Variants in SMYD3 observed in about 807,000 individuals in gnomAD.
The protein encoded by SMYD3 is histone-lysine N-methyltransferase SMYD3.
SMYD3 carries 36 observed loss-of-function variants against 57.7 expected under a neutral mutation model. That is an observed-to-expected ratio of 0.62 (90% CI 0.48 to 0.82). SMYD3 has a LOEUF of 0.82. SMYD3 is among the 40% of genes least tolerant of loss of function. The pLI is 0.00. For missense variants in SMYD3, 515 were observed against 538.8 expected, an observed-to-expected ratio of 0.96 and a Z score of 0.44; for synonymous variants, 211 against 195.0, an observed-to-expected ratio of 1.08 and a Z score of -0.68.
chr1:246,077,453 A>G (rs10802329), intron 5 of SMYD3, among the ~76,000 whole-genome samples: 56,281 of 151,870 alleles, frequency 0.37, 13,192 homozygotes, highest in African/African-American at 0.66. Flanking sequence ...TGTCTAAGCC[A>G]AGATGGCAAG....
chr1:246,330,394 A>G, intron 4 of SMYD3, 86 bp downstream of exon 4: 1 of 1,101,972 alleles, frequency 9.1e-7, no homozygotes, highest in South Asian at 1.8e-5. Context: ...AAGAAACAGA[A>G]AAACATAGTT....
intron 5 of SMYD3, among the ~76,000 whole-genome samples, chr1:246,155,448 T>G (rs1367263736): frequency 6.6e-6 from 1 of 152,140 alleles, no homozygotes; most frequent in East Asian, 1.9e-4. Flanking sequence ...AAGAAAAATA[T>G]AAAATTTCAA....
In SMYD3 at chr1:245,849,298, G is replaced by A. The variant is rs149144740; in HGVS notation, c.1076+9198C>T. Among the ~76,000 whole-genome samples, 693 of 152,302 alleles carry A rather than the reference G, an allele frequency of 4.6e-3. 4 individuals carry two copies. Among genetic ancestry groups the A allele is most frequent in the Middle Eastern group, 0.031 (9 of 294 alleles). On this transcript the variant is annotated intron_variant, in intron 10 of 11. Coordinates refer to ENST00000490107, the MANE Select transcript of SMYD3 (RefSeq NM_001167740.2). Reference sequence around the variant, plus strand: ...ACTGGGAGCTTGAGTGTTAAAAGAGGGGATTGGATTATCAGAAAGAGCAGG... The same window carrying A: ...ACTGGGAGCTTGAGTGTTAAAAGAGAGGATTGGATTATCAGAAAGAGCAGG...
intron 5 of SMYD3, among the ~76,000 whole-genome samples, chr1:246,081,848 C>T (rs998716706): frequency 6.6e-6 from 1 of 152,110 alleles, no homozygotes; most frequent in Non-Finnish European, 1.5e-5. Context: ...TGCTTGAGGC[C>T]TGGATTAACA....
chr1:245,936,136 A>G (rs2056968826), intron 5 of SMYD3, among the ~76,000 whole-genome samples: 1 of 152,214 alleles, frequency 6.6e-6, no homozygotes, highest in Admixed American at 6.5e-5. Flanking sequence ...TGTACTCTAA[A>G]TATATACAAT....
intron 10 of SMYD3, among the ~76,000 whole-genome samples, chr1:245,851,264 A>G (rs750398482): frequency 1.3e-5 from 2 of 152,188 alleles, no homozygotes; most frequent in Non-Finnish European, 2.9e-5. Context: ...CTCCACCAGA[A>G]TGAGGACTTT....
intron 2 of SMYD3, among the ~76,000 whole-genome samples, chr1:246,349,379 T>C (rs1572407645): frequency 6.6e-6 from 1 of 151,568 alleles, no homozygotes; most frequent in Non-Finnish European, 1.5e-5. Flanking sequence ...CTGAGGCAGG[T>C]GTACTGCCTG....
chr1:246,140,175 T>C (rs1360327671), intron 5 of SMYD3, among the ~76,000 whole-genome samples: 3 of 152,164 alleles, frequency 2.0e-5, no homozygotes, highest in Non-Finnish European at 4.4e-5. Flanking sequence ...AAGTGCCAGG[T>C]TTCTGCTGAA....
intron 5 of SMYD3, chr1:246,326,293 A>G (rs2065346950): frequency 3.2e-6 from 2 of 621,782 alleles, no homozygotes; most frequent in Non-Finnish European, 5.8e-6. Context: ...GCAAACACAC[A>G]ATGTGAGAAA....
intron 10 of SMYD3, among the ~76,000 whole-genome samples, chr1:245,840,472 G>A (rs1440828328): frequency 6.6e-6 from 1 of 151,832 alleles, no homozygotes; most frequent in African/African-American, 2.4e-5. Flanking sequence ...CAATCTAATA[G>A]TGGGAAATCA....
chr1:246,069,130 G>GC (rs1045545510), intron 5 of SMYD3, among the ~76,000 whole-genome samples: 14 of 152,030 alleles, frequency 9.2e-5, no homozygotes, highest in African/African-American at 3.4e-4. Flanking sequence ...AGAGATAACC[G>GC]CCCCCAGTCA....
chr1:245,834,396 C>T (rs2050002108), intron 10 of SMYD3, among the ~76,000 whole-genome samples: 1 of 152,164 alleles, frequency 6.6e-6, no homozygotes, highest in Non-Finnish European at 1.5e-5. Flanking sequence ...AGCATGCGAA[C>T]ACTGAGTTCC....
At chr1:246,042,151 C>G (rs554935112) in intron 5 of SMYD3, among the ~76,000 whole-genome samples, 1 of 152,166 alleles carries the variant, frequency 6.6e-6, no homozygotes, top group Non-Finnish European at 1.5e-5. Flanking sequence ...TTCTGGAAGG[C>G]ACAGCTACAA....
intron 1 of SMYD3, among the ~76,000 whole-genome samples, chr1:246,356,417 C>T (rs1428540657): frequency 1.3e-5 from 2 of 152,154 alleles, no homozygotes; most frequent in Non-Finnish European, 2.9e-5. Context: ...CACACCGGCT[C>T]ACCAGCAATG....
At chr1:246,427,612 G>C (rs139324309) in intron 1 of SMYD3, among the ~76,000 whole-genome samples, 1 of 151,836 alleles carries the variant, frequency 6.6e-6, no homozygotes, top group East Asian at 1.9e-4. Flanking sequence ...GCCTGTATTC[G>C]CAACACTTTG....
chr1:245,955,356 G>A (rs2057806508), intron 5 of SMYD3, among the ~76,000 whole-genome samples: 1 of 151,904 alleles, frequency 6.6e-6, no homozygotes, highest in South Asian at 2.1e-4. Context: ...GGGATTACCG[G>A]CATGAGCCAC....
intron 11 of SMYD3, among the ~76,000 whole-genome samples, chr1:245,758,602 G>C (rs1038506636): frequency 6.6e-6 from 1 of 151,874 alleles, no homozygotes; most frequent in East Asian, 1.9e-4. Flanking sequence ...TTCTGTTGTG[G>C]AGCTCCCTTC....
At chr1:246,453,116 G>A (rs1381968413) in intron 1 of SMYD3, among the ~76,000 whole-genome samples, 2 of 152,064 alleles carry the variant, frequency 1.3e-5, no homozygotes, top group Non-Finnish European at 2.9e-5. Context: ...ATAATAATAA[G>A]GCAGTACTAT....
intron 5 of SMYD3, among the ~76,000 whole-genome samples, chr1:246,206,993 C>T (rs915660711): frequency 2.0e-5 from 3 of 152,138 alleles, no homozygotes; most frequent in Admixed American, 6.5e-5. Context: ...TCTGAAGGAA[C>T]ACAGTTGAGT....
Sources: allele counts gnomAD v4.1 joint callset (sites outside exome capture counted in the v4.1 genomes callset), GRCh38; gene constraint gnomAD v4.1.1; transcripts MANE v1.5; gene names NCBI Gene and HGNC (gene_info 2026-07-23, HGNC 2026-07-21).